The following RGS17 variants were observed in gnomAD, a reference collection of about 807,000 sequenced individuals.
RGS17 encodes regulator of G-protein signaling 17.
In RGS17, 12 loss-of-function variants were observed where a neutral mutation model predicts 25.5. The observed-to-expected ratio is 0.47, with a 90% CI of 0.30 to 0.76. RGS17 has a LOEUF of 0.76. Ranked by LOEUF, RGS17 falls within the 30% of genes least tolerant of loss-of-function variation. The pLI is 0.07. For missense variants in RGS17, 196 were observed against 242.2 expected, an observed-to-expected ratio of 0.81 and a Z score of 1.27; for synonymous variants, 71 against 76.9, an observed-to-expected ratio of 0.92 and a Z score of 0.40.
In RGS17 at chr6:153,012,834, C is replaced by T. The variant is rs189803448; in HGVS notation, c.445-1072G>A. Among the ~76,000 whole-genome samples, 155 of 152,292 alleles carry T rather than the reference C, an allele frequency of 1.0e-3. 2 individuals carry two copies. The highest frequency in any genetic ancestry group is 1.5e-3 in the Non-Finnish European group (102 of 68,028). The stretch of plus-strand genomic sequence containing the variant: ...TGCCTTTTAGTTCTGGCTTCTTTTC[C>T]CACCACTGTTCAGACTAAGTCTGGG... On this transcript the variant is annotated intron_variant, in intron 4 of 4. Transcript: ENST00000206262.
chr6:153,118,861 T>G (rs2129126547), intron 1 of RGS17, among the ~76,000 whole-genome samples: 1 of 152,236 alleles, frequency 6.6e-6, no homozygotes, highest in Admixed American at 6.5e-5. Flanking sequence ...TAATCTTTGG[T>G]GTAGGATTAT....
intron 1 of RGS17, among the ~76,000 whole-genome samples, chr6:153,062,919 A>C (rs557334570): frequency 2.6e-5 from 4 of 152,286 alleles, no homozygotes; most frequent in South Asian, 2.1e-4. Flanking sequence ...CTTGAAGGGA[A>C]GCACCCAGTC....
At chr6:153,101,005 C>G (rs9371672) in intron 1 of RGS17, among the ~76,000 whole-genome samples, 49,261 of 151,984 alleles carry the variant, frequency 0.32, 8,494 homozygotes, top group East Asian at 0.66. Context: ...TGAGCCTATT[C>G]AGGCTCAGAG....
intron 1 of RGS17, among the ~76,000 whole-genome samples, chr6:153,091,663 C>A (rs2129121744): frequency 6.6e-6 from 1 of 152,130 alleles, no homozygotes; most frequent in East Asian, 1.9e-4. Context: ...CAGATGTGTG[C>A]CACTACACAT....
intron 4 of RGS17, among the ~76,000 whole-genome samples, chr6:153,018,634 T>C (rs1217838106): frequency 6.6e-6 from 1 of 152,260 alleles, no homozygotes; most frequent in Non-Finnish European, 1.5e-5. Context: ...TGACTACTTC[T>C]ATTCCATCTA....
intron 1 of RGS17, among the ~76,000 whole-genome samples, chr6:153,081,563 C>T (rs9479502): frequency 0.52 from 79,310 of 151,868 alleles, 21,147 homozygotes; most frequent in Non-Finnish European, 0.57. Context: ...AAAGTGATTA[C>T]TTATACGGTT....
chr6:153,128,530 G>GT (rs1380545110), intron 1 of RGS17, among the ~76,000 whole-genome samples: 3 of 152,102 alleles, frequency 2.0e-5, no homozygotes, highest in African/African-American at 7.2e-5. Context: ...AGATTAAAAG[G>GT]TAAAATCTTT....
chr6:153,020,446 C>A (rs890118861), intron 4 of RGS17, among the ~76,000 whole-genome samples: 11 of 151,812 alleles, frequency 7.2e-5, no homozygotes, highest in African/African-American at 2.4e-4. Flanking sequence ...AGCCACCGCG[C>A]CCGGTGATAT....
In RGS17 at chr6:153,054,092, T is replaced by TATATATATA. The variant is rs1393844507; in HGVS notation, c.-25-10050_-25-10049insTATATATAT. ...CATATATATATACACACAATATTTT[T>TATATATATA]TATATATATATATATATATATGTGT... On this transcript the variant is annotated intron_variant, in intron 1 of 4. Transcript: ENST00000206262. 1.9e-4 allele frequency among the ~76,000 whole-genome samples: 8 copies of TATATATATA among 42,090 alleles called. 1 individual carries two copies. The highest frequency in any genetic ancestry group is 9.3e-4 in the African/African-American group (8 of 8,642). The allele number at this position is 42,090 out of a possible 152,430, so 27.6% of individuals were successfully genotyped here.
At chr6:153,080,652 C>A (rs933955094) in intron 1 of RGS17, among the ~76,000 whole-genome samples, 1 of 151,898 alleles carries the variant, frequency 6.6e-6, no homozygotes, top group African/African-American at 2.4e-5. Flanking sequence ...ACTAAAATTT[C>A]TCTTATTATT....
rs7775475 is a variant in RGS17, at chr6:153,102,979, T to C, written c.-26+28145A>G. Reference sequence around the variant, plus strand: ...AATGAATTCTACAACAAGCTTTTGCTATTGAAAAGCATTATGGTGGTATAT... The same window carrying C: ...AATGAATTCTACAACAAGCTTTTGCCATTGAAAAGCATTATGGTGGTATAT... On this transcript the variant is annotated intron_variant, in intron 1 of 4. Coordinates refer to ENST00000206262, the MANE Select transcript of RGS17 (RefSeq NM_012419.5). 6.5e-3 allele frequency among the ~76,000 whole-genome samples: 988 copies of C among 152,382 alleles called. 16 individuals are homozygous for C. The highest frequency in any genetic ancestry group is 0.023 in the African/African-American group (943 of 41,598).
intron 1 of RGS17, among the ~76,000 whole-genome samples, chr6:153,089,183 T>C (rs1474827926): frequency 6.6e-6 from 1 of 151,616 alleles, no homozygotes. Flanking sequence ...TTGGTATGCA[T>C]GCATTATGAA....
At chr6:153,028,418 T>G (rs1779326621) in intron 2 of RGS17, among the ~76,000 whole-genome samples, 1 of 152,056 alleles carries the variant, frequency 6.6e-6, no homozygotes, top group Non-Finnish European at 1.5e-5. Context: ...AGTGCATAAT[T>G]TTGGAGGTAT....
intron 1 of RGS17, among the ~76,000 whole-genome samples, chr6:153,118,971 C>T (rs1777582671): frequency 6.6e-6 from 1 of 152,038 alleles, no homozygotes; most frequent in Non-Finnish European, 1.5e-5. Flanking sequence ...TTTATCCTAT[C>T]TTATGTATGA....
At chr6:153,054,579 G>A (rs1422051775) in intron 1 of RGS17, among the ~76,000 whole-genome samples, 1 of 151,708 alleles carries the variant, frequency 6.6e-6, no homozygotes, top group Non-Finnish European at 1.5e-5. Context: ...TGAACACAGA[G>A]GGTGGAGGTT....
chr6:153,117,849 G>C (rs776058074), intron 1 of RGS17, among the ~76,000 whole-genome samples: 2 of 152,146 alleles, frequency 1.3e-5, no homozygotes, highest in Non-Finnish European at 2.9e-5. Context: ...TGGTGTACTA[G>C]CTTACATTCT....
chr6:153,119,233 G>C (rs1402642247), intron 1 of RGS17, among the ~76,000 whole-genome samples: 1 of 152,044 alleles, frequency 6.6e-6, no homozygotes, highest in African/African-American at 2.4e-5. Context: ...GTACCATCTG[G>C]ACCTCAGAGT....
At chr6:153,038,054 A>G (rs1776273562) in intron 2 of RGS17, among the ~76,000 whole-genome samples, 1 of 152,182 alleles carries the variant, frequency 6.6e-6, no homozygotes, top group African/African-American at 2.4e-5. Flanking sequence ...CCATCCAGAC[A>G]TAGATAGTCC....
chr6:153,042,895 T>C (rs774977220), intron 2 of RGS17, among the ~76,000 whole-genome samples: 1 of 152,210 alleles, frequency 6.6e-6, no homozygotes, highest in Non-Finnish European at 1.5e-5. Context: ...CACAGAGAGA[T>C]GACTCCAACA....
Sources: gnomAD v4.1 joint callset for allele counts (sites outside exome capture counted in the v4.1 genomes callset) on GRCh38, gnomAD v4.1.1 for gene constraint, MANE v1.5 for transcripts, NCBI Gene and HGNC (gene_info 2026-07-23, HGNC 2026-07-21) for gene names.